The following PRR16 variants were observed in gnomAD, a reference collection of about 807,000 sequenced individuals.
PRR16 encodes the protein protein Largen.
Under a neutral mutation model 18.2 loss-of-function variants are expected in PRR16, and 6 were observed. That is an observed-to-expected ratio of 0.33 (90% CI 0.18 to 0.65). PRR16 has a LOEUF of 0.65. Ranked by LOEUF, PRR16 falls within the 30% of genes least tolerant of loss-of-function variation. The pLI, the probability that PRR16 is intolerant of heterozygous loss-of-function variation, is 0.74. For synonymous variants in PRR16, 151 were observed against 147.8 expected, an observed-to-expected ratio of 1.02 and a Z score of -0.16; for missense variants, 412 against 376.6, an observed-to-expected ratio of 1.09 and a Z score of -0.78.
the PRR16 span, among the ~76,000 whole-genome samples, chr5:120,702,669 C>T: frequency 4.6e-5 from 7 of 151,894 alleles, no homozygotes; most frequent in South Asian, 4.2e-4. Flanking sequence ...TTTGGGTCCA[C>T]GGATAAAACG....
the PRR16 span, among the ~76,000 whole-genome samples, chr5:120,735,025 C>T: frequency 6.6e-6 from 1 of 152,180 alleles, no homozygotes; most frequent in East Asian, 1.9e-4. Flanking sequence ...CCCATTTCAT[C>T]ATTACCCTAG....
At chr5:120,716,960 C>T in the PRR16 span, among the ~76,000 whole-genome samples, 1 of 152,060 alleles carries the variant, frequency 6.6e-6, no homozygotes, top group East Asian at 1.9e-4. Flanking sequence ...ATCAATATTC[C>T]TTAGCATTTA....
At chr5:120,608,772 T>G (rs1011376312) in intron 1 of PRR16, among the ~76,000 whole-genome samples, 2 of 152,232 alleles carry the variant, frequency 1.3e-5, no homozygotes, top group Non-Finnish European at 2.9e-5. Context: ...CATTGCTTTT[T>G]TAAATTCCTG....
chr5:120,514,884 G>A (rs911042516), intron 1 of PRR16, among the ~76,000 whole-genome samples: 4 of 151,954 alleles, frequency 2.6e-5, no homozygotes, highest in African/African-American at 9.7e-5. Context: ...TTTCTAGCCT[G>A]CTCTTCGAAA....
chr5:120,768,038 C>T, the PRR16 span, among the ~76,000 whole-genome samples: 1 of 151,760 alleles, frequency 6.6e-6, no homozygotes, highest in African/African-American at 2.4e-5. Context: ...TGTTATCACC[C>T]CAGAAAGAAA....
the PRR16 span, among the ~76,000 whole-genome samples, chr5:120,701,707 G>A: frequency 6.6e-6 from 1 of 152,158 alleles, no homozygotes. Context: ...GAAAGACTCA[G>A]CAACGCTTGG....
At chr5:120,583,760 A>T (rs1467321) in intron 1 of PRR16, among the ~76,000 whole-genome samples, 64,241 of 151,814 alleles carry the variant, frequency 0.42, 14,130 homozygotes, top group African/African-American at 0.53. Flanking sequence ...AGTGCTGGGC[A>T]CTCAGACTGT....
At chr5:120,539,789 G>A (rs1366159861) in intron 1 of PRR16, among the ~76,000 whole-genome samples, 3 of 152,084 alleles carry the variant, frequency 2.0e-5, no homozygotes, top group Admixed American at 1.3e-4. Context: ...TATCAGTTGT[G>A]TATAATGTAA....
chr5:120,503,374 C>T (rs1304075047), intron 1 of PRR16, among the ~76,000 whole-genome samples: 1 of 152,084 alleles, frequency 6.6e-6, no homozygotes, highest in Non-Finnish European at 1.5e-5. Context: ...TCCATGTTTT[C>T]ACTTAGAGCT....
chr5:120,589,744 C>T (rs1753569235), intron 1 of PRR16, among the ~76,000 whole-genome samples: 1 of 152,032 alleles, frequency 6.6e-6, no homozygotes, highest in Non-Finnish European at 1.5e-5. Context: ...AGAAACCACC[C>T]TCATGATTCA....
chr5:120,793,650 GA>G, the PRR16 span, among the ~76,000 whole-genome samples: 1 of 152,062 alleles, frequency 6.6e-6, no homozygotes, highest in Non-Finnish European at 1.5e-5. Context: ...ACAATATAAA[GA>G]ATAAAACAGT....
chr5:120,573,779 C>T (rs75436860), intron 1 of PRR16, among the ~76,000 whole-genome samples: 6,648 of 152,114 alleles, frequency 0.044, 149 homozygotes, highest in African/African-American at 0.057. Flanking sequence ...CAATAAATAA[C>T]GCCATGTCAA....
At chr5:120,604,390 C>G (rs1296742609) in intron 1 of PRR16, among the ~76,000 whole-genome samples, 1 of 151,876 alleles carries the variant, frequency 6.6e-6, no homozygotes, top group African/African-American at 2.4e-5. Flanking sequence ...TTTTTGTTTT[C>G]CATTTGCTTG....
At chr5:120,675,241 G>T (rs1314231822) in intron 1 of PRR16, among the ~76,000 whole-genome samples, 1 of 152,200 alleles carries the variant, frequency 6.6e-6, no homozygotes, top group African/African-American at 2.4e-5. Context: ...TGAAAAAAAT[G>T]GAGAGCTTTA....
intron 1 of PRR16, among the ~76,000 whole-genome samples, chr5:120,540,721 A>C (rs1055758739): frequency 1.3e-5 from 2 of 152,166 alleles, no homozygotes; most frequent in Non-Finnish European, 2.9e-5. Context: ...GCTCAAGGTC[A>C]TCACCAAGGT....
intron 1 of PRR16, among the ~76,000 whole-genome samples, chr5:120,609,256 G>T (rs759535492): frequency 6.6e-6 from 1 of 151,518 alleles, no homozygotes; most frequent in Non-Finnish European, 1.5e-5. Context: ...CCATTCAGTG[G>T]CATCATTTAC....
At chr5:120,515,830 G>C (rs1750971039) in intron 1 of PRR16, among the ~76,000 whole-genome samples, 1 of 152,094 alleles carries the variant, frequency 6.6e-6, no homozygotes. Flanking sequence ...TGCCTTTATA[G>C]CATTTATGTA....
intron 1 of PRR16, among the ~76,000 whole-genome samples, chr5:120,518,150 C>A (rs758215748): frequency 6.6e-6 from 1 of 151,992 alleles, no homozygotes; most frequent in Non-Finnish European, 1.5e-5. Flanking sequence ...AAGAGAGTGA[C>A]AGTAATACAT....
chr5:120,728,337 T>TTA, the PRR16 span, among the ~76,000 whole-genome samples: 1 of 151,368 alleles, frequency 6.6e-6, no homozygotes. Flanking sequence ...TTTTTTTTTT[T>TTA]ACACAGGATC....
Sources: allele counts gnomAD v4.1 joint callset (sites outside exome capture counted in the v4.1 genomes callset), GRCh38; gene constraint gnomAD v4.1.1; transcripts MANE v1.5; gene names NCBI Gene and HGNC (gene_info 2026-07-23, HGNC 2026-07-21).